The following HS6ST3 variants were observed in gnomAD, a reference collection of about 807,000 sequenced individuals.
The protein encoded by HS6ST3 is heparan sulfate 6-O-sulfotransferase 3, also known as heparan-sulfate 6-O-sulfotransferase 3.
In HS6ST3, 12 loss-of-function variants were observed where a neutral mutation model predicts 36.7. The observed-to-expected ratio is 0.33, with a 90% CI of 0.21 to 0.53. HS6ST3 has a LOEUF of 0.53. HS6ST3 is among the 20% of genes least tolerant of loss of function. The pLI is 0.95. For missense variants in HS6ST3, 584 were observed against 640.9 expected (o/e 0.91, Z 0.96); for synonymous variants, 240 against 257.5 (o/e 0.93, Z 0.65).
At chr13:96,829,622 C>T (rs1454110797) in intron 1 of HS6ST3, among the ~76,000 whole-genome samples, 2 of 152,076 alleles carry the variant, frequency 1.3e-5, no homozygotes, top group South Asian at 2.1e-4. Context: ...AGGATAATGG[C>T]CTCCAACTCT....
intron 1 of HS6ST3, among the ~76,000 whole-genome samples, chr13:96,568,951 A>AT (rs2056291432): frequency 6.6e-6 from 1 of 152,150 alleles, no homozygotes; most frequent in Non-Finnish European, 1.5e-5. Context: ...TAAGCATGGA[A>AT]TTTTTTCTGT....
intron 1 of HS6ST3, among the ~76,000 whole-genome samples, chr13:96,729,485 C>T (rs1424841859): frequency 6.6e-6 from 1 of 152,252 alleles, no homozygotes; most frequent in Admixed American, 6.5e-5. Flanking sequence ...GAGATGTAGT[C>T]TCATGCCATT....
rs760657512 is a variant in HS6ST3, at chr13:96,832,598, T to C, written c.816T>C (p.Asp272=). The part of the protein sequence containing the change: ...ATWKTSLHMC[D]GRSPTPDELP... Reference sequence around the variant, plus strand: ...GGAAAACCTCTCTTCATATGTGTGATGGAAGAAGCCCCACCCCAGATGAGC... The same window carrying C: ...GGAAAACCTCTCTTCATATGTGTGACGGAAGAAGCCCCACCCCAGATGAGC... Residue 272 remains aspartate, a synonymous_variant, in exon 2 of 2, where the codon GAT becomes GAC. Coordinates refer to ENST00000376705, the MANE Select transcript of HS6ST3 (RefSeq NM_153456.4). The C allele has an allele frequency of 1.2e-6, 2 of 1,614,128 alleles. No homozygotes were observed. The highest frequency in any genetic ancestry group is 2.2e-5 in the East Asian group (1 of 44,866).
chr13:96,171,060 C>G (rs1224724396), intron 1 of HS6ST3, among the ~76,000 whole-genome samples: 1 of 152,110 alleles, frequency 6.6e-6, no homozygotes, highest in Non-Finnish European at 1.5e-5. Context: ...AGTTAGATAC[C>G]TTTTTATGAA....
At chr13:96,748,222 G>A (rs183501754) in intron 1 of HS6ST3, among the ~76,000 whole-genome samples, 13 of 152,132 alleles carry the variant, frequency 8.5e-5, no homozygotes, top group Admixed American at 1.3e-4. Context: ...CAACTCCCAG[G>A]ATAAGATTCT....
intron 1 of HS6ST3, among the ~76,000 whole-genome samples, chr13:96,557,147 A>G (rs549603613): frequency 2.8e-4 from 43 of 152,334 alleles, no homozygotes; most frequent in Non-Finnish European, 5.6e-4. Flanking sequence ...ACAGACGTGT[A>G]TCAAGTACTG....
chr13:96,223,196 A>G (rs1054481597), intron 1 of HS6ST3, among the ~76,000 whole-genome samples: 7 of 152,196 alleles, frequency 4.6e-5, no homozygotes. Context: ...TCCAATGAGG[A>G]CAAGAATGGG....
At chr13:96,405,378 T>A (rs953792722) in intron 1 of HS6ST3, among the ~76,000 whole-genome samples, 5 of 152,218 alleles carry the variant, frequency 3.3e-5, no homozygotes, top group Admixed American at 2.6e-4. Flanking sequence ...ATGAATATAC[T>A]GCTACATATG....
rs191365455 is a variant in HS6ST3 at position 96,643,110 on chromosome 13, G to A, written c.708-189380G>A. 3.4e-4 allele frequency among the ~76,000 whole-genome samples: 52 copies of A among 152,070 alleles called. No homozygotes were observed. In the South Asian group the frequency reaches 4.1e-3, roughly 12 times the overall value. On this transcript the variant is annotated intron_variant, in intron 1 of 1. Coordinates refer to ENST00000376705, the MANE Select transcript of HS6ST3 (RefSeq NM_153456.4). ...GACTTTTCTGAGTAAATTCTATAAA[G>A]TCTGTGTTCTTTTTGTGTGTGGCTA...
chr13:96,181,640 G>A (rs1251077921), intron 1 of HS6ST3, among the ~76,000 whole-genome samples: 1 of 152,118 alleles, frequency 6.6e-6, no homozygotes, highest in African/African-American at 2.4e-5. Context: ...ATTCGACTCG[G>A]AAGGCTGATC....
At chr13:96,403,938 A>G (rs1440096209) in intron 1 of HS6ST3, among the ~76,000 whole-genome samples, 1 of 152,214 alleles carries the variant, frequency 6.6e-6, no homozygotes, top group Non-Finnish European at 1.5e-5. Context: ...AGATTGGATG[A>G]GTAATTGGGT....
intron 1 of HS6ST3, among the ~76,000 whole-genome samples, chr13:96,321,103 T>G (rs1207842548): frequency 6.6e-6 from 1 of 151,464 alleles, no homozygotes; most frequent in Non-Finnish European, 1.5e-5. Flanking sequence ...TTTTACTTTG[T>G]CTAGTGAACT....
At chr13:96,572,978 T>G (rs2056306285) in intron 1 of HS6ST3, among the ~76,000 whole-genome samples, 1 of 152,240 alleles carries the variant, frequency 6.6e-6, no homozygotes, top group African/African-American at 2.4e-5. Flanking sequence ...ATATTTCATA[T>G]GATAGTTATC....
chr13:96,165,345 G>C (rs1199740715), intron 1 of HS6ST3, among the ~76,000 whole-genome samples: 1 of 152,016 alleles, frequency 6.6e-6, no homozygotes, highest in Non-Finnish European at 1.5e-5. Context: ...TTCTCTCTGG[G>C]GGCTTTTGTC....
intron 1 of HS6ST3, among the ~76,000 whole-genome samples, chr13:96,157,328 T>G (rs987029280): frequency 2.0e-5 from 3 of 152,176 alleles, no homozygotes; most frequent in Non-Finnish European, 4.4e-5. Context: ...CCCTAAAGTT[T>G]AGAAATGAGG....
chr13:96,810,183 A>C (rs781492062), intron 1 of HS6ST3, among the ~76,000 whole-genome samples: 2 of 152,220 alleles, frequency 1.3e-5, no homozygotes, highest in Non-Finnish European at 2.9e-5. Context: ...AACTAAGTAC[A>C]GGGTAATCCT....
At chr13:96,700,359 A>T (rs1290682447) in intron 1 of HS6ST3, among the ~76,000 whole-genome samples, 1 of 152,140 alleles carries the variant, frequency 6.6e-6, no homozygotes, top group Non-Finnish European at 1.5e-5. Context: ...AACCGCCCCC[A>T]TGATCCAATT....
At chr13:96,274,296 G>T (rs2054736927) in intron 1 of HS6ST3, among the ~76,000 whole-genome samples, 2 of 151,934 alleles carry the variant, frequency 1.3e-5, no homozygotes, top group Non-Finnish European at 2.9e-5. Flanking sequence ...AGAGATTTCT[G>T]TTGGGCATAA....
At chr13:96,109,434 A>C (rs1460069516) in intron 1 of HS6ST3, among the ~76,000 whole-genome samples, 2 of 152,212 alleles carry the variant, frequency 1.3e-5, no homozygotes, top group African/African-American at 2.4e-5. Context: ...GATGGGCTGG[A>C]AGAAGGATGC....
Sources: allele counts gnomAD v4.1 joint callset (sites outside exome capture counted in the v4.1 genomes callset), GRCh38; gene constraint gnomAD v4.1.1; transcripts MANE v1.5; gene names NCBI Gene and HGNC (gene_info 2026-07-23, HGNC 2026-07-21).